The following BRINP3 variants were observed in gnomAD, a reference collection of about 807,000 sequenced individuals.
The protein encoded by BRINP3 is BMP/retinoic acid-inducible neural-specific protein 3.
In BRINP3, 19 loss-of-function variants were observed where a neutral mutation model predicts 71.0. The observed-to-expected ratio is 0.27, with a 90% CI of 0.19 to 0.39. BRINP3 has a LOEUF of 0.39. Ranked by LOEUF, BRINP3 falls within the 10% of genes least tolerant of loss-of-function variation. The probability of loss-of-function intolerance (pLI) is 1.00; values close to 1 mark genes in which losing one functional copy is unlikely to be tolerated. For synonymous variants in BRINP3, 380 were observed against 337.7 expected (o/e 1.13, Z -1.37); for missense variants, 959 against 940.8 (o/e 1.02, Z -0.25).
intron 7 of BRINP3, among the ~76,000 whole-genome samples, chr1:190,150,487 G>T (rs1402825964): frequency 6.6e-6 from 1 of 152,030 alleles, no homozygotes; most frequent in Admixed American, 6.6e-5. Flanking sequence ...CTCAAATTAG[G>T]TTTTCCCCAC....
intron 2 of BRINP3, among the ~76,000 whole-genome samples, chr1:190,401,974 A>G (rs1376859610): frequency 6.6e-6 from 1 of 151,958 alleles, no homozygotes; most frequent in East Asian, 1.9e-4. Context: ...TATATACTTG[A>G]TACTTGATAT....
intron 7 of BRINP3, among the ~76,000 whole-genome samples, chr1:190,132,325 T>C (rs1256603226): frequency 1.3e-5 from 2 of 152,110 alleles, no homozygotes; most frequent in Admixed American, 1.3e-4. Context: ...TGATTTCACT[T>C]ATGTTAACAG....
chr1:190,326,530 A>T (rs568009974), intron 2 of BRINP3, among the ~76,000 whole-genome samples: 2 of 152,226 alleles, frequency 1.3e-5, no homozygotes, highest in Non-Finnish European at 2.9e-5. Context: ...TACAGAAAAA[A>T]ATCTTAAAAG....
chr1:190,393,425 T>A (rs1397340569), intron 2 of BRINP3, among the ~76,000 whole-genome samples: 1 of 151,494 alleles, frequency 6.6e-6, no homozygotes. Flanking sequence ...GAGAACTCCA[T>A]GGGGAAGGAG....
chr1:190,142,925 T>C (rs1558004038), intron 7 of BRINP3, among the ~76,000 whole-genome samples: 1 of 152,048 alleles, frequency 6.6e-6, no homozygotes, highest in African/African-American at 2.4e-5. Context: ...AAAAATTTCC[T>C]GAAAGGCCGT....
At chr1:190,427,793 A>T (rs1673817621) in intron 2 of BRINP3, among the ~76,000 whole-genome samples, 1 of 151,736 alleles carries the variant, frequency 6.6e-6, no homozygotes, top group African/African-American at 2.4e-5. Context: ...TACACAGGTA[A>T]ACTTGTGTCA....
intron 7 of BRINP3, among the ~76,000 whole-genome samples, chr1:190,139,504 A>G (rs1655257026): frequency 6.6e-6 from 1 of 151,762 alleles, no homozygotes; most frequent in South Asian, 2.1e-4. Flanking sequence ...GATCTTTGTC[A>G]TCTGACATTT....
intron 5 of BRINP3, among the ~76,000 whole-genome samples, chr1:190,233,117 A>C (rs1303748561): frequency 6.6e-6 from 1 of 152,020 alleles, no homozygotes; most frequent in African/African-American, 2.4e-5. Flanking sequence ...TTAATTAATT[A>C]ATTTTTTTTT....
Position 190,098,087 on chromosome 1 carries a change from A to T in BRINP3, c.2232T>A (p.Ser744=), listed in dbSNP as rs1391897090. 5 of 1,614,088 alleles carry T rather than the reference A, an allele frequency of 3.1e-6. No individual in the cohort carries two copies. The African/African-American group carries it at 6.7e-5, about 22-fold the overall frequency. ...ATTTGGCATTAAACGCCTGCAGAGCAGATTGGATCCTCACCACCTCACTAG... is the reference window on the plus strand; with the variant it reads ...ATTTGGCATTAAACGCCTGCAGAGCTGATTGGATCCTCACCACCTCACTAG... The part of the protein sequence containing the change: ...LSTSEVVRIQ[S]ALQAFNAKLP... The change falls in exon 8 of 8, where the codon TCT becomes TCA. Residue 744 remains serine, a synonymous_variant. Coordinates refer to ENST00000367462, the MANE Select transcript of BRINP3 (RefSeq NM_199051.3).
chr1:190,293,305 T>C (rs1419078509), intron 2 of BRINP3, among the ~76,000 whole-genome samples: 1 of 152,162 alleles, frequency 6.6e-6, no homozygotes, highest in African/African-American at 2.4e-5. Flanking sequence ...CATGTTGTTT[T>C]ATTCCCATGT....
At position 190,321,050 on chromosome 1, in the gene BRINP3, TA is replaced by T. The variant is rs1393521384; in HGVS notation, c.237-39301del. Among the ~76,000 whole-genome samples the T allele has an allele frequency of 5.9e-5, 9 of 152,000 alleles. 1 individual carries two copies. Among genetic ancestry groups the T allele is most frequent in the African/African-American group, 2.2e-4 (9 of 41,408 alleles). On this transcript the variant is annotated intron_variant, in intron 2 of 7. Transcript: ENST00000367462. Reference sequence around the variant, plus strand: ...TTTTATAATAAATAATCCTTTAAAATAAGAGACAGATGTTAAGAAAAATAAT... The same window carrying T: ...TTTTATAATAAATAATCCTTTAAAATAGAGACAGATGTTAAGAAAAATAAT...
At chr1:190,136,220 T>G (rs897521843) in intron 7 of BRINP3, among the ~76,000 whole-genome samples, 1 of 152,072 alleles carries the variant, frequency 6.6e-6, no homozygotes, top group Non-Finnish European at 1.5e-5. Context: ...TTTTGAAAAT[T>G]TTCTTTATAT....
At position 190,373,033 on chromosome 1, in the gene BRINP3, A is replaced by C. The variant is rs1669959340; in HGVS notation, c.236+81622T>G. ...GACATTAAATATCCCCAAGACATTA[A>C]ATAGCTGAGAAGAAAATTAGAATGA... On this transcript the variant is annotated intron_variant, in intron 2 of 7. Coordinates refer to ENST00000367462, the MANE Select transcript of BRINP3 (RefSeq NM_199051.3). Among the ~76,000 whole-genome samples, 3 of 152,184 alleles carry C rather than the reference A, an allele frequency of 2.0e-5. No individual in the cohort carries two copies. In the South Asian group the frequency reaches 6.2e-4, roughly 31 times the overall value.
chr1:190,345,579 A>G (rs542643243), intron 2 of BRINP3, among the ~76,000 whole-genome samples: 60 of 151,774 alleles, frequency 4.0e-4, no homozygotes, highest in African/African-American at 1.3e-3. Context: ...TTAGGAAAAC[A>G]TGACAAAATT....
intron 2 of BRINP3, among the ~76,000 whole-genome samples, chr1:190,423,315 T>A (rs872177): frequency 0.33 from 50,439 of 151,394 alleles, 8,606 homozygotes; most frequent in African/African-American, 0.39. Context: ...TCAATTTATT[T>A]AAAAAAATCA....
intron 2 of BRINP3, among the ~76,000 whole-genome samples, chr1:190,453,247 G>A (rs1675762385): frequency 2.0e-5 from 1 of 49,278 alleles, no homozygotes; most frequent in South Asian, 6.8e-4. Flanking sequence ...TTGAGACGGA[G>A]GCTCGCTCTG....
intron 2 of BRINP3, among the ~76,000 whole-genome samples, chr1:190,388,813 T>C (rs1671070599): frequency 6.6e-6 from 1 of 151,848 alleles, no homozygotes; most frequent in African/African-American, 2.4e-5. Context: ...GTGGGAAAAT[T>C]CATCAAAGAT....
In BRINP3 at chr1:190,154,509, A is replaced by G. The variant is rs567354949; in HGVS notation, c.1184+6159T>C. 5.3e-5 allele frequency among the ~76,000 whole-genome samples: 8 copies of G among 152,184 alleles called. No homozygotes were observed. In the South Asian group the frequency reaches 1.4e-3, roughly 28 times the overall value. On this transcript the variant is annotated intron_variant, in intron 7 of 7. Transcript: ENST00000367462. Reference sequence around the variant, plus strand: ...GCATTGTTTTGACACTTCCACTGACAGTTCTAAAGCAATGGAGAGTAAACT... The same window carrying G: ...GCATTGTTTTGACACTTCCACTGACGGTTCTAAAGCAATGGAGAGTAAACT...
intron 2 of BRINP3, among the ~76,000 whole-genome samples, chr1:190,313,104 GA>G (rs961305660): frequency 3.0e-4 from 45 of 151,266 alleles, no homozygotes; most frequent in African/African-American, 3.1e-4. Context: ...AGAGCAATTT[GA>G]AAAAAAATAA....
Sources: allele counts gnomAD v4.1 joint callset (sites outside exome capture counted in the v4.1 genomes callset), GRCh38; gene constraint gnomAD v4.1.1; transcripts MANE v1.5; gene names NCBI Gene and HGNC (gene_info 2026-07-23, HGNC 2026-07-21).